Variants in ZNF492 observed in about 807,000 individuals in gnomAD.
The protein encoded by ZNF492 is zinc finger protein 492.
A neutral mutation model predicts 6.4 loss-of-function variants in ZNF492; 3 were observed. The ratio of observed to expected loss-of-function variants is 0.47; its 90% confidence interval spans 0.21 to 1.22. The LOEUF (loss-of-function observed/expected upper bound fraction) is 1.22. Ranked by LOEUF, ZNF492 falls within the 50% of genes most tolerant of loss-of-function variation. The pLI is 0.22. For missense variants in ZNF492, 356 were observed against 612.5 expected, an observed-to-expected ratio of 0.58 and a Z score of 4.42; for synonymous variants, 112 against 205.3, an observed-to-expected ratio of 0.55 and a Z score of 3.89.
At chr19:22,659,801 G>A (rs578080369) in intron 3 of ZNF492, among the ~76,000 whole-genome samples, 76 of 151,668 alleles carry the variant, frequency 5.0e-4, no homozygotes, top group African/African-American at 1.8e-3. Flanking sequence ...GAGTAGCTAG[G>A]ATTACAGGTG....
intron 1 of ZNF492, among the ~76,000 whole-genome samples, chr19:22,648,210 G>T (rs185424774): frequency 6.6e-6 from 1 of 152,076 alleles, no homozygotes; most frequent in African/African-American, 2.4e-5. Context: ...ATTTACCCAG[G>T]AGTCATTCAG....
chr19:22,654,621 A>G (rs927946086), intron 3 of ZNF492, among the ~76,000 whole-genome samples: 6 of 118,816 alleles, frequency 5.0e-5, no homozygotes, highest in African/African-American at 1.9e-4. Context: ...TTTTTTTTTG[A>G]GATAGAGTCT....
At chr19:22,645,735 A>G (rs1348606380) in intron 1 of ZNF492, among the ~76,000 whole-genome samples, 1 of 152,228 alleles carries the variant, frequency 6.6e-6, no homozygotes, top group Non-Finnish European at 1.5e-5. Context: ...AGTTTTCTGC[A>G]TATGGCTAGC....
At chr19:22,647,727 G>GTTTGTTTTTTTTT (rs1971896955) in intron 1 of ZNF492, among the ~76,000 whole-genome samples, 1 of 92,576 alleles carries the variant, frequency 1.1e-5, no homozygotes. Flanking sequence ...AGCTCTTTTA[G>GTTTGTTTTTTTTT]TTTTTTTTTT....
chr19:22,660,873 C>T (rs1277701268), intron 3 of ZNF492, among the ~76,000 whole-genome samples: 1 of 147,206 alleles, frequency 6.8e-6, no homozygotes, highest in Non-Finnish European at 1.5e-5. Flanking sequence ...TTTTATGTGG[C>T]AGGACAGATT....
chr19:22,647,262 T>TTTTTG (rs1473474872), intron 1 of ZNF492, among the ~76,000 whole-genome samples: 1 of 145,740 alleles, frequency 6.9e-6, no homozygotes, highest in African/African-American at 2.5e-5. Flanking sequence ...TTGTTGTTGT[T>TTTTTG]TTTTTTTTTT....
At chr19:22,654,832 A>G (rs1162529733) in intron 3 of ZNF492, among the ~76,000 whole-genome samples, 2 of 147,946 alleles carry the variant, frequency 1.4e-5, no homozygotes, top group South Asian at 2.2e-4. Flanking sequence ...GAACTCCTAG[A>G]CCTCGTGATC....
At chr19:22,645,109 C>G (rs556318490) in intron 1 of ZNF492, among the ~76,000 whole-genome samples, 1 of 151,932 alleles carries the variant, frequency 6.6e-6, no homozygotes, top group South Asian at 2.1e-4. Flanking sequence ...TACAGTGGCA[C>G]GATCTCTGCT....
At position 22,637,532 on chromosome 19, in the gene ZNF492, G is replaced by A. The variant is rs545468908; in HGVS notation, c.-94+3058G>A. Among the ~76,000 whole-genome samples the A allele has an allele frequency of 8.5e-4, 130 of 152,168 alleles. 1 individual carries two copies. The highest frequency in any genetic ancestry group is 1.6e-3 in the Non-Finnish European group (109 of 68,008). On this transcript the variant is annotated intron_variant, in intron 1 of 3. Coordinates refer to ENST00000456783, the MANE Select transcript of ZNF492 (RefSeq NM_020855.3). ...GGTGGCCTCAAACTTTTGAGCTCAG[G>A]CAATTTACCTGCCTCAGCCTCCCAA...
In ZNF492 at chr19:22,634,395, C is replaced by A; in HGVS notation, c.-173C>A. The A allele has an allele frequency of 1.5e-6, 2 of 1,291,576 alleles. No homozygotes were observed. The highest frequency in any genetic ancestry group is 2.2e-6 in the Non-Finnish European group (2 of 906,642). The allele number at this position is 1,291,576 out of a possible 1,614,324, so 80.0% of individuals were successfully genotyped here. A position where few individuals can be genotyped will look rare whatever the true frequency, so the allele number is the denominator to read the frequency against. On this transcript the variant is annotated 5_prime_UTR_variant, in exon 1 of 4. Coordinates refer to ENST00000456783, the MANE Select transcript of ZNF492 (RefSeq NM_020855.3). ...TCTGCGTCCTCTGGTCCTAGAGGCC[C>A]ATCCTCTGTGGCCCTGTGACCTGCA... is the stretch of plus-strand genomic sequence containing the variant.
chr19:22,650,686 GGA>G (rs1477229649), intron 1 of ZNF492, among the ~76,000 whole-genome samples: 1 of 152,162 alleles, frequency 6.6e-6, no homozygotes, highest in Non-Finnish European at 1.5e-5. Context: ...GGCCTGAAGA[GGA>G]GCTGTAGCTG....
rs1316362023 is a variant in ZNF492, at chr19:22,642,483, G to A, written c.-94+8009G>A. Among the ~76,000 whole-genome samples, 6 of 124,098 alleles carry A rather than the reference G, an allele frequency of 4.8e-5. 2 individuals are homozygous for A. 81.4% of individuals were successfully genotyped at this position (124,098 alleles called of 152,430 possible). A position where few individuals can be genotyped will look rare whatever the true frequency, so the allele number is the denominator to read the frequency against. ...TGGCTCACTGCAAGCTCTGCCTCCC[G>A]GGTTCACGCCATTCTGCTGCCTCAG... On this transcript the variant is annotated intron_variant, in intron 1 of 3. Coordinates refer to ENST00000456783, the MANE Select transcript of ZNF492 (RefSeq NM_020855.3).
intron 1 of ZNF492, among the ~76,000 whole-genome samples, chr19:22,651,444 G>A (rs1294111148): frequency 6.6e-6 from 1 of 152,002 alleles, no homozygotes; most frequent in Non-Finnish European, 1.5e-5. Context: ...GGAATGCCAT[G>A]TGTTCAGTAC....
intron 3 of ZNF492, among the ~76,000 whole-genome samples, chr19:22,657,294 C>G (rs1002107895): frequency 6.6e-6 from 1 of 152,092 alleles, no homozygotes; most frequent in Non-Finnish European, 1.5e-5. Flanking sequence ...TTTCATATAT[C>G]AGAGGCCCTG....
At chr19:22,639,023 G>A (rs1971796838) in intron 1 of ZNF492, among the ~76,000 whole-genome samples, 1 of 152,054 alleles carries the variant, frequency 6.6e-6, no homozygotes, top group South Asian at 2.1e-4. Flanking sequence ...TGTATTTTTA[G>A]TAGAGATGGG....
chr19:22,661,609 T>G (rs1972059595), intron 3 of ZNF492, among the ~76,000 whole-genome samples: 1 of 152,064 alleles, frequency 6.6e-6, no homozygotes, highest in South Asian at 2.1e-4. Flanking sequence ...TCTTCTTTTT[T>G]TTTTGAAACA....
At chr19:22,653,477 A>G in intron 2 of ZNF492, 44 bp downstream of exon 2, 2 of 1,583,740 alleles carry the variant, frequency 1.3e-6, no homozygotes, top group East Asian at 2.2e-5. Context: ...TACCCTATAA[A>G]TTTTATTTCT....
intron 3 of ZNF492, among the ~76,000 whole-genome samples, chr19:22,660,415 A>AT (rs963223810): frequency 3.9e-4 from 57 of 146,128 alleles, no homozygotes; most frequent in Admixed American, 1.6e-3. Flanking sequence ...ATTTGTACAG[A>AT]TTTTTTTTTT....
At chr19:22,659,203 CGTT>C (rs1204520530) in intron 3 of ZNF492, among the ~76,000 whole-genome samples, 5 of 149,844 alleles carry the variant, frequency 3.3e-5, no homozygotes, top group African/African-American at 1.0e-4. Flanking sequence ...TTTTTTTTCT[CGTT>C]GTATACTCAT....
Sources: allele counts gnomAD v4.1 joint callset (sites outside exome capture counted in the v4.1 genomes callset), GRCh38; gene constraint gnomAD v4.1.1; transcripts MANE v1.5; gene names NCBI Gene and HGNC (gene_info 2026-07-23, HGNC 2026-07-21).